STK35: variants seen among roughly 807,000 people sequenced by gnomAD.
STK35 encodes serine/threonine-protein kinase 35.
Under a neutral mutation model 37.3 loss-of-function variants are expected in STK35, and 17 were observed. The ratio of observed to expected loss-of-function variants is 0.46; its 90% confidence interval spans 0.31 to 0.68. STK35 has a LOEUF of 0.68. Ranked by LOEUF, STK35 falls within the 30% of genes least tolerant of loss-of-function variation. The pLI is 0.05. For missense variants in STK35, 595 were observed against 746.7 expected (o/e 0.80, Z 2.37); for synonymous variants, 385 against 319.1 (o/e 1.21, Z -2.20).
chr20:2,138,890 A>C (rs1271303103), intron 3 of STK35, among the ~76,000 whole-genome samples: 1 of 152,126 alleles, frequency 6.6e-6, no homozygotes, highest in Non-Finnish European at 1.5e-5. Flanking sequence ...AGCCAGGTGT[A>C]GTGGCATGTA....
rs142466432 is a variant in STK35 at position 2,126,434 on chromosome 20, T to C, written c.*37+9019T>C. ...TTTTAGGGGTACCTTGTAAGCCAGG[T>C]GGGATGCGCAGGAGCCACATCTCAG... is the stretch of plus-strand genomic sequence containing the variant. On this transcript the variant is annotated intron_variant, in intron 3 of 3. Coordinates refer to ENST00000381482, the MANE Select transcript of STK35 (RefSeq NM_080836.4). Among the ~76,000 whole-genome samples, 739 of 152,132 alleles carry C rather than the reference T, an allele frequency of 4.9e-3. 3 individuals are homozygous for C. The highest frequency in any genetic ancestry group is 0.017 in the African/African-American group (703 of 41,488).
At chr20:2,106,383 C>G (rs1371215378) in intron 2 of STK35, among the ~76,000 whole-genome samples, 1 of 152,166 alleles carries the variant, frequency 6.6e-6, no homozygotes. Context: ...GCCTTGAAGT[C>G]TCAACTAAAC....
At chr20:2,112,153 T>A (rs1161664058) in intron 2 of STK35, among the ~76,000 whole-genome samples, 2 of 152,256 alleles carry the variant, frequency 1.3e-5, no homozygotes, top group Non-Finnish European at 2.9e-5. Flanking sequence ...GGCTTAAGGA[T>A]AGGCTTGTAA....
chr20:2,137,013 C>T (rs1172605568), intron 3 of STK35, among the ~76,000 whole-genome samples: 2 of 152,156 alleles, frequency 1.3e-5, no homozygotes, highest in African/African-American at 4.8e-5. Context: ...GCTGAAGACC[C>T]AAAGCAGGAG....
intron 3 of STK35, among the ~76,000 whole-genome samples, chr20:2,138,249 A>G (rs897158746): frequency 2.0e-5 from 3 of 152,174 alleles, no homozygotes; most frequent in Admixed American, 1.3e-4. Flanking sequence ...TTTCTTTTCT[A>G]TTAACTAAAT....
chr20:2,105,724 A>G (rs1215479432), intron 2 of STK35, among the ~76,000 whole-genome samples: 1 of 152,112 alleles, frequency 6.6e-6, no homozygotes, highest in East Asian at 1.9e-4. Flanking sequence ...AGTTCACACC[A>G]TGTTCTGTAC....
chr20:2,131,378 C>T (rs536329674), intron 3 of STK35, among the ~76,000 whole-genome samples: 88 of 152,126 alleles, frequency 5.8e-4, no homozygotes, highest in Non-Finnish European at 8.2e-4. Flanking sequence ...CTTTGGGAGG[C>T]CAAGACAGGA....
intron 3 of STK35, among the ~76,000 whole-genome samples, chr20:2,119,741 G>A (rs1170314522): frequency 6.6e-6 from 1 of 152,220 alleles, no homozygotes; most frequent in African/African-American, 2.4e-5. Context: ...AGCTAGTGCT[G>A]ATCCTCCTGG....
In STK35 at chr20:2,124,635, C is replaced by G. The variant is rs566334837; in HGVS notation, c.*37+7220C>G. Among the ~76,000 whole-genome samples, 37 of 152,242 alleles carry G rather than the reference C, an allele frequency of 2.4e-4. 1 individual carries two copies. The South Asian group carries it at 6.4e-3, about 26-fold the overall frequency. On this transcript the variant is annotated intron_variant, in intron 3 of 3. Transcript: ENST00000381482. ...GTAGGGGTCACAGCTTTGCCACAACCCATCTCACTAGCACTAAACAGCTTC... is the reference window on the plus strand; with the variant it reads ...GTAGGGGTCACAGCTTTGCCACAACGCATCTCACTAGCACTAAACAGCTTC...
chr20:2,101,920 G>T lies in STK35; in HGVS notation c.39G>T (p.Ala13=), dbSNP rs997155203. Residue 13 remains alanine, a synonymous_variant, in exon 1 of 4, where the codon GCG becomes GCT. Coordinates refer to ENST00000381482, the MANE Select transcript of STK35 (RefSeq NM_080836.4). ...AGTCTCCGCTGGCCCGGGCGCCGGC[G>T]GGAGGTGCAGCTTATGTAAAGAGGT... ...HQESPLARAP[A]GGAAYVKRLC... is the part of the protein sequence containing the mutation. 4.8e-6 allele frequency: 7 copies of T among 1,466,552 alleles called. No homozygotes were observed. The African/African-American group carries it at 7.3e-5, about 15-fold the overall frequency. 90.8% of individuals were successfully genotyped at this position (1,466,552 alleles called of 1,614,324 possible).
At chr20:2,105,115 C>T (rs1985488812) in intron 2 of STK35, among the ~76,000 whole-genome samples, 1 of 147,970 alleles carries the variant, frequency 6.8e-6, no homozygotes, top group African/African-American at 2.5e-5. Context: ...CATTATCATG[C>T]AATGGCACTA....
chr20:2,123,717 G>A (rs1356049465), intron 3 of STK35, among the ~76,000 whole-genome samples: 3 of 152,210 alleles, frequency 2.0e-5, no homozygotes, highest in East Asian at 1.9e-4. Context: ...AGTCTCTGTA[G>A]GGTAAATTTT....
At chr20:2,125,827 A>G (rs1042682434) in intron 3 of STK35, among the ~76,000 whole-genome samples, 10 of 152,220 alleles carry the variant, frequency 6.6e-5, no homozygotes, top group African/African-American at 2.4e-4. Flanking sequence ...AGCCAGGTCA[A>G]AATTGCCAAA....
At chr20:2,131,936 AT>A (rs1191137923) in intron 3 of STK35, among the ~76,000 whole-genome samples, 1 of 152,080 alleles carries the variant, frequency 6.6e-6, no homozygotes, top group Non-Finnish European at 1.5e-5. Context: ...TAAAAAAGTA[AT>A]TTTTTTACTT....
chr20:2,123,995 A>T (rs6035643), intron 3 of STK35, among the ~76,000 whole-genome samples: 8,775 of 152,278 alleles, frequency 0.058, 702 homozygotes, highest in African/African-American at 0.17. Flanking sequence ...TCATTTACTT[A>T]CTTTCAAGTA....
intron 2 of STK35, among the ~76,000 whole-genome samples, chr20:2,116,262 G>A (rs1421833496): frequency 6.6e-6 from 1 of 152,164 alleles, no homozygotes; most frequent in Non-Finnish European, 1.5e-5. Flanking sequence ...GAGAGGGAAG[G>A]TCATTTGCTC....
chr20:2,144,355 G>A lies in STK35; in HGVS notation c.*609G>A, dbSNP rs1986222736. 1 of 167,818 alleles carries A rather than the reference G, an allele frequency of 6.0e-6. No homozygotes were observed. The highest frequency in any genetic ancestry group is 5.8e-5 in the Admixed American group (1 of 17,268). 10.4% of individuals were successfully genotyped at this position (167,818 alleles called of 1,614,324 possible). A position where few individuals can be genotyped will look rare whatever the true frequency, so the allele number is the denominator to read the frequency against. ...GGCCCTGGCTAGCCCTTGGGCCTCG[G>A]AGATGATCAGAGGTGAAGAACCGCC... is the stretch of plus-strand genomic sequence containing the variant. On this transcript the variant is annotated 3_prime_UTR_variant, in exon 4 of 4. Transcript: ENST00000381482.
At chr20:2,132,218 C>T (rs927663638) in intron 3 of STK35, among the ~76,000 whole-genome samples, 2 of 152,202 alleles carry the variant, frequency 1.3e-5, no homozygotes, top group Admixed American at 1.3e-4. Flanking sequence ...TCCATATGCA[C>T]CGCACTGTCT....
chr20:2,102,404 C>A (rs76871785), intron 1 of STK35, among the ~76,000 whole-genome samples: 7,598 of 152,242 alleles, frequency 0.05, 278 homozygotes, highest in Admixed American at 0.11. Context: ...CAAGGCGGGG[C>A]GCGGGGAGGA....
Sources: allele counts gnomAD v4.1 joint callset (sites outside exome capture counted in the v4.1 genomes callset), GRCh38; gene constraint gnomAD v4.1.1; transcripts MANE v1.5; gene names NCBI Gene and HGNC (gene_info 2026-07-23, HGNC 2026-07-21).